The following ZNF704 variants were observed in gnomAD, a reference collection of about 807,000 sequenced individuals.
The protein encoded by ZNF704 is glucocorticoid induced gene 1.
In ZNF704, 10 loss-of-function variants were observed where a neutral mutation model predicts 44.7. That is an observed-to-expected ratio of 0.22 (90% CI 0.14 to 0.38). The LOEUF is 0.38. ZNF704 is among the 10% of genes least tolerant of loss of function. The pLI is 1.00. For missense variants in ZNF704, 390 were observed against 545.5 expected (o/e 0.71, Z 2.84); for synonymous variants, 211 against 207.6 (o/e 1.02, Z -0.14).
intron 1 of ZNF704, among the ~76,000 whole-genome samples, chr8:80,851,802 C>T (rs998475251): frequency 1.7e-4 from 26 of 151,994 alleles, no homozygotes; most frequent in Non-Finnish European, 2.2e-4. Context: ...CATTACTGGC[C>T]GAAACATTGT....
At chr8:80,814,329 T>A (rs1297162191) in intron 2 of ZNF704, 1 of 152,256 alleles carries the variant, frequency 6.6e-6, no homozygotes, top group Non-Finnish European at 1.5e-5. Context: ...TGTGTACTGA[T>A]GGCACAATGT....
At chr8:80,798,134 C>T (rs1294173041) in intron 2 of ZNF704, among the ~76,000 whole-genome samples, 5 of 151,890 alleles carry the variant, frequency 3.3e-5, no homozygotes, top group African/African-American at 1.2e-4. Flanking sequence ...CCATAATATC[C>T]TTAGACATGG....
intron 3 of ZNF704, among the ~76,000 whole-genome samples, chr8:80,692,367 C>T (rs189679245): frequency 3.3e-5 from 5 of 152,176 alleles, no homozygotes; most frequent in East Asian, 3.9e-4. Flanking sequence ...GAATTACAGG[C>T]GATAAGGCAA....
At chr8:80,687,079 T>A in intron 4 of ZNF704, 147 bp downstream of exon 4, 1 of 677,702 alleles carries the variant, frequency 1.5e-6, no homozygotes, top group Admixed American at 3.0e-5. Context: ...CTATTCAAAC[T>A]TCAAGAACAT....
In ZNF704 at chr8:80,734,977, ACTTCCTTCTCCC is replaced by A. The variant is rs201934087; in HGVS notation, c.222-41882_222-41871del. 5.0e-4 allele frequency among the ~76,000 whole-genome samples: 76 copies of A among 152,246 alleles called. No homozygotes were observed. In the East Asian group the frequency reaches 0.014, roughly 29 times the overall value. ...TTCTTTTCAAACCATCCTGCAGGTT[ACTTCCTTCTCCC>A]CTTCCTTCTGTACACATCCCCCCAA... On this transcript the variant is annotated intron_variant, in intron 2 of 8. Coordinates refer to ENST00000327835, the MANE Select transcript of ZNF704 (RefSeq NM_001033723.3).
intron 3 of ZNF704, among the ~76,000 whole-genome samples, chr8:80,688,451 G>T (rs1359699210): frequency 6.6e-6 from 1 of 152,150 alleles, no homozygotes; most frequent in Non-Finnish European, 1.5e-5. Flanking sequence ...TCAGAATAAG[G>T]ATTATTATCC....
chr8:80,660,541 T>C (rs1343608217), intron 6 of ZNF704, among the ~76,000 whole-genome samples: 2 of 148,758 alleles, frequency 1.3e-5, no homozygotes, highest in African/African-American at 2.5e-5. Context: ...TAAATCATGA[T>C]ATACCTACAG....
At chr8:80,738,867 A>T (rs1395349426) in intron 2 of ZNF704, among the ~76,000 whole-genome samples, 1 of 152,152 alleles carries the variant, frequency 6.6e-6, no homozygotes, top group Non-Finnish European at 1.5e-5. Context: ...AATGTCTATC[A>T]TGGGATGCCA....
At chr8:80,645,256 T>C (rs1196757001) in intron 7 of ZNF704, 3 of 1,306,860 alleles carry the variant, frequency 2.3e-6, no homozygotes, top group Non-Finnish European at 3.2e-6. Context: ...AGTATTGCCA[T>C]ATGTAGGAGG....
intron 2 of ZNF704, among the ~76,000 whole-genome samples, chr8:80,809,710 G>A (rs949977886): frequency 9.2e-5 from 14 of 152,126 alleles, no homozygotes; most frequent in African/African-American, 2.7e-4. Flanking sequence ...TTTACAACAC[G>A]ACTATGGTTT....
Position 80,843,485 on chromosome 8 carries a change from T to C in ZNF704, c.-21-21870A>G, listed in dbSNP as rs1158146201. Among the ~76,000 whole-genome samples the C allele has an allele frequency of 3.3e-5, 5 of 152,360 alleles. No homozygotes were observed. In the South Asian group the frequency reaches 8.3e-4, roughly 25 times the overall value. ...TATTCCACAACAAGAAGGTAAAATATGCAAAAGCCACAATTTACACTCTAG... is the reference window on the plus strand; with the variant it reads ...TATTCCACAACAAGAAGGTAAAATACGCAAAAGCCACAATTTACACTCTAG... On this transcript the variant is annotated intron_variant, in intron 1 of 8. Coordinates refer to ENST00000327835, the MANE Select transcript of ZNF704 (RefSeq NM_001033723.3).
intron 2 of ZNF704, among the ~76,000 whole-genome samples, chr8:80,779,390 C>T (rs1019606145): frequency 2.6e-5 from 4 of 152,092 alleles, no homozygotes; most frequent in Non-Finnish European, 5.9e-5. Context: ...CACAGGAGCA[C>T]ACCACTACAT....
At chr8:80,799,319 T>C (rs1028892334) in intron 2 of ZNF704, among the ~76,000 whole-genome samples, 19 of 152,348 alleles carry the variant, frequency 1.2e-4, no homozygotes, top group African/African-American at 3.8e-4. Context: ...ATAAATTGTT[T>C]TATAATTGAA....
At chr8:80,807,752 T>G (rs981556927) in intron 2 of ZNF704, among the ~76,000 whole-genome samples, 5 of 152,216 alleles carry the variant, frequency 3.3e-5, no homozygotes, top group African/African-American at 1.2e-4. Context: ...ATGACCTGCC[T>G]TTTTATAATC....
chr8:80,649,321 G>A (rs1430499174), intron 7 of ZNF704, among the ~76,000 whole-genome samples: 2 of 152,140 alleles, frequency 1.3e-5, no homozygotes, highest in Non-Finnish European at 2.9e-5. Context: ...GTGGGTGCAC[G>A]ACAGTGGGTG....
chr8:80,719,670 T>A (rs925622704), intron 2 of ZNF704, among the ~76,000 whole-genome samples: 1 of 152,234 alleles, frequency 6.6e-6, no homozygotes, highest in Non-Finnish European at 1.5e-5. Context: ...CTTTTCACTA[T>A]GAATTTTAGT....
chr8:80,769,954 G>A (rs957595195), intron 2 of ZNF704, among the ~76,000 whole-genome samples: 5 of 152,156 alleles, frequency 3.3e-5, no homozygotes, highest in African/African-American at 1.2e-4. Flanking sequence ...ACGTGGCTGG[G>A]GAGGCCTCAC....
chr8:80,826,823 C>A (rs1808385707), intron 1 of ZNF704, among the ~76,000 whole-genome samples: 2 of 152,100 alleles, frequency 1.3e-5, no homozygotes, highest in Admixed American at 6.5e-5. Context: ...AAGAAAAAAA[C>A]CACATGATTA....
intron 1 of ZNF704, among the ~76,000 whole-genome samples, chr8:80,835,386 A>G (rs1563570977): frequency 6.6e-6 from 1 of 152,166 alleles, no homozygotes; most frequent in Non-Finnish European, 1.5e-5. Context: ...AAACAACATG[A>G]CACCACAGGA....
Sources: allele counts gnomAD v4.1 joint callset (sites outside exome capture counted in the v4.1 genomes callset), GRCh38; gene constraint gnomAD v4.1.1; transcripts MANE v1.5; gene names NCBI Gene and HGNC (gene_info 2026-07-23, HGNC 2026-07-21).